The following PRDM16 variants were observed in gnomAD, a reference collection of about 807,000 sequenced individuals.
PRDM16 encodes PR/SET domain 16.
In PRDM16, 23 loss-of-function variants were observed where a neutral mutation model predicts 110.6. The observed-to-expected ratio is 0.21, with a 90% CI of 0.15 to 0.29. PRDM16 has a LOEUF of 0.29. Ranked by LOEUF, PRDM16 falls within the 10% of genes least tolerant of loss-of-function variation. The pLI, the probability that PRDM16 is intolerant of heterozygous loss-of-function variation, is 1.00. For missense variants in PRDM16, 1,615 were observed against 1,794.3 expected (o/e 0.90, Z 1.81); for synonymous variants, 799 against 781.8 (o/e 1.02, Z -0.37).
chr1:3,392,769 C>T (rs1465116513), intron 4 of PRDM16, among the ~76,000 whole-genome samples: 1 of 152,170 alleles, frequency 6.6e-6, no homozygotes, highest in African/African-American at 2.4e-5. Flanking sequence ...TCTGAATGAA[C>T]GTGGCCTGGG....
intron 2 of PRDM16, among the ~76,000 whole-genome samples, chr1:3,189,046 G>A (rs1261167342): frequency 6.6e-6 from 1 of 152,216 alleles, no homozygotes; most frequent in African/African-American, 2.4e-5. Context: ...TCCCTGAGGT[G>A]GCCCCGGAGG....
intron 2 of PRDM16, among the ~76,000 whole-genome samples, chr1:3,199,485 G>T: frequency 6.6e-6 from 1 of 152,236 alleles, no homozygotes; most frequent in Non-Finnish European, 1.5e-5. Context: ...TCCCCTTCCT[G>T]CCCACCCCAG....
intron 3 of PRDM16, among the ~76,000 whole-genome samples, chr1:3,247,023 G>T (rs1259427166): frequency 6.6e-6 from 1 of 152,160 alleles, no homozygotes; most frequent in Non-Finnish European, 1.5e-5. Context: ...CCGCGGTGCT[G>T]TTTTCAGGAT....
chr1:3,319,501 C>A (rs915298235), intron 3 of PRDM16, among the ~76,000 whole-genome samples: 1 of 152,150 alleles, frequency 6.6e-6, no homozygotes, highest in African/African-American at 2.4e-5. Context: ...AAGCCTGAGG[C>A]CATCAGACCA....
intron 1 of PRDM16, among the ~76,000 whole-genome samples, chr1:3,145,345 G>A (rs985405375): frequency 3.3e-5 from 5 of 152,156 alleles, no homozygotes; most frequent in Admixed American, 1.3e-4. Flanking sequence ...TGCAGCTGGC[G>A]ACCTGGGCCC....
chr1:3,337,439 G>C (rs1479820959), intron 3 of PRDM16, among the ~76,000 whole-genome samples: 1 of 152,228 alleles, frequency 6.6e-6, no homozygotes, highest in African/African-American at 2.4e-5. Flanking sequence ...AACAGGTTTA[G>C]CAGGGTTCTT....
chr1:3,399,594 G>A (rs559524529), intron 5 of PRDM16, among the ~76,000 whole-genome samples: 2 of 152,176 alleles, frequency 1.3e-5, no homozygotes, highest in Admixed American at 6.5e-5. Flanking sequence ...GAGCAGCAGG[G>A]CAGGGATGGT....
chr1:3,394,375 C>T (rs1046033985), intron 4 of PRDM16: 3 of 442,168 alleles, frequency 6.8e-6, no homozygotes, highest in Non-Finnish European at 1.4e-5. Flanking sequence ...CGCCCAGCCC[C>T]CGTCCGCCCA....
intron 1 of PRDM16, among the ~76,000 whole-genome samples, chr1:3,171,913 G>A (rs112341660): frequency 2.0e-5 from 3 of 152,072 alleles, no homozygotes; most frequent in African/African-American, 7.2e-5. Context: ...GCAGCGAGCC[G>A]AGCTCCAGGT....
At chr1:3,348,746 TG>T (rs1642414921) in intron 3 of PRDM16, among the ~76,000 whole-genome samples, 1 of 152,174 alleles carries the variant, frequency 6.6e-6, no homozygotes, top group African/African-American at 2.4e-5. Flanking sequence ...CCTCTGCCCT[TG>T]GGGACCGGGG....
chr1:3,388,360 C>T (rs1055863893), intron 4 of PRDM16, among the ~76,000 whole-genome samples: 1 of 152,140 alleles, frequency 6.6e-6, no homozygotes, highest in Non-Finnish European at 1.5e-5. Context: ...TAATACAGCA[C>T]AGACACAGAA....
chr1:3,077,079 G>T (rs1426220220), intron 1 of PRDM16, among the ~76,000 whole-genome samples: 6 of 152,230 alleles, frequency 3.9e-5, no homozygotes, highest in Admixed American at 3.9e-4. Context: ...CCTGCGGTTT[G>T]CTTTCTGTGT....
intron 3 of PRDM16, among the ~76,000 whole-genome samples, chr1:3,262,070 G>A (rs557627299): frequency 6.6e-6 from 1 of 152,198 alleles, no homozygotes; most frequent in Non-Finnish European, 1.5e-5. Flanking sequence ...TGACTAATGC[G>A]CCCTCAGGCA....
chr1:3,383,578 T>C (rs937121202), intron 3 of PRDM16, among the ~76,000 whole-genome samples: 3 of 152,046 alleles, frequency 2.0e-5, no homozygotes, highest in African/African-American at 7.2e-5. Flanking sequence ...GACGTTTAAC[T>C]TTTCAAAAGA....
At chr1:3,171,006 G>T (rs1393508278) in intron 1 of PRDM16, among the ~76,000 whole-genome samples, 1 of 152,212 alleles carries the variant, frequency 6.6e-6, no homozygotes, top group Admixed American at 6.5e-5. Flanking sequence ...ACACAGCCTC[G>T]CTGCAGTCCC....
At position 3,157,524 on chromosome 1, in the gene PRDM16, T is replaced by C. The variant is rs767101964; in HGVS notation, c.38-28601T>C. ...CAGTTGTTTGGTAGGATAAGGTCTT[T>C]ATGGGCAGAAAAGAGATGATAGATG... is the stretch of plus-strand genomic sequence containing the variant. On this transcript the variant is annotated intron_variant, in intron 1 of 16. Coordinates refer to ENST00000270722, the MANE Select transcript of PRDM16 (RefSeq NM_022114.4). The surrounding 1 kb of genome is among the most constrained non-coding windows in gnomAD (Gnocchi z 4.8). 6.6e-6 allele frequency among the ~76,000 whole-genome samples: 1 copy of C among 151,142 alleles called. No homozygotes were observed. Among genetic ancestry groups the C allele is most frequent in the Non-Finnish European group, 1.5e-5 (1 of 67,970 alleles).
At chr1:3,134,433 A>C (rs1233563422) in intron 1 of PRDM16, among the ~76,000 whole-genome samples, 2 of 152,224 alleles carry the variant, frequency 1.3e-5, no homozygotes, top group Non-Finnish European at 2.9e-5. Context: ...ATGCCCCCAA[A>C]GTTGGGGCCG....
intron 3 of PRDM16, among the ~76,000 whole-genome samples, chr1:3,330,018 G>A (rs1012326089): frequency 6.6e-6 from 1 of 152,262 alleles, no homozygotes; most frequent in Non-Finnish European, 1.5e-5. Context: ...TCCTCTGCCA[G>A]GGCTCTGATT....
chr1:3,350,613 G>C lies in PRDM16; in HGVS notation c.439-34539G>C, dbSNP rs1298645837. On this transcript the variant is annotated intron_variant, in intron 3 of 16. Transcript: ENST00000270722. This position sits in a 1 kb window ranked among gnomAD's most constrained non-coding sequence, Gnocchi z 7.1. ...GGGTGGAAAGCAGAGCTGGGAGCCA[G>C]CCCTGCCCGGCCAGGGCTCGGGCAC... Among the ~76,000 whole-genome samples, 1 of 152,136 alleles carries C rather than the reference G, an allele frequency of 6.6e-6. No individual in the cohort carries two copies. The highest frequency in any genetic ancestry group is 1.9e-4 in the East Asian group (1 of 5,150).
Sources: allele counts gnomAD v4.1 joint callset (sites outside exome capture counted in the v4.1 genomes callset), GRCh38; gene constraint gnomAD v4.1.1; non-coding constraint Gnocchi (gnomAD v3.1); transcripts MANE v1.5; gene names NCBI Gene and HGNC (gene_info 2026-07-23, HGNC 2026-07-21).